Variants in FBXL4 observed in about 807,000 individuals in gnomAD.
FBXL4 encodes the protein F-box/LRR-repeat protein 4.
FBXL4 carries 40 observed loss-of-function variants against 58.9 expected under a neutral mutation model. The ratio of observed to expected loss-of-function variants is 0.68; its 90% CI spans 0.53 to 0.88. The LOEUF (loss-of-function observed/expected upper bound fraction) is 0.88. Among genes scored for constraint, FBXL4 ranks in the 40% least tolerant of loss-of-function variants. The probability of loss-of-function intolerance (pLI) is 0.00; values close to 1 mark genes in which losing one functional copy is unlikely to be tolerated. For missense variants in FBXL4, 676 were observed against 734.4 expected (o/e 0.92, Z 0.92); for synonymous variants, 263 against 265.5 (o/e 0.99, Z 0.09).
chr6:98,938,970 C>A lies in FBXL4; in HGVS notation c.-308-4091G>T, dbSNP rs955911222. ...AAGTGTGGTGGTGTGCACCTGTAATCCTAGCTATTTGGGAGGACTGTTTCC... is the reference window on the plus strand; with the variant it reads ...AAGTGTGGTGGTGTGCACCTGTAATACTAGCTATTTGGGAGGACTGTTTCC... On this transcript the variant is annotated intron_variant, in intron 1 of 9. Coordinates refer to ENST00000369244, the MANE Select transcript of FBXL4 (RefSeq NM_001278716.2). Among the ~76,000 whole-genome samples, 5 of 150,038 alleles carry A rather than the reference C, an allele frequency of 3.3e-5. No homozygotes were observed. The East Asian group carries it at 6.0e-4, about 18-fold the overall frequency.
At chr6:98,908,774 T>G in intron 5 of FBXL4, among the ~76,000 whole-genome samples, 1 of 152,182 alleles carries the variant, frequency 6.6e-6, no homozygotes, top group Non-Finnish European at 1.5e-5. Context: ...AGGGGAGTTG[T>G]CGATACATTT....
At chr6:98,942,550 TCTGCTC>T (rs1773472040) in intron 1 of FBXL4, among the ~76,000 whole-genome samples, 1 of 152,112 alleles carries the variant, frequency 6.6e-6, no homozygotes, top group Non-Finnish European at 1.5e-5. Context: ...CTCTCTTCCT[TCTGCTC>T]CTGCCATGTA....
chr6:98,883,163 A>T (rs947289826), intron 7 of FBXL4, among the ~76,000 whole-genome samples: 9 of 152,036 alleles, frequency 5.9e-5, no homozygotes, highest in Non-Finnish European at 1.3e-4. Flanking sequence ...AATTTGCATT[A>T]GTATGATTAC....
Position 98,911,440 on chromosome 6 carries a change from C to G in FBXL4, c.859-5770G>C, listed in dbSNP as rs547237361. Among the ~76,000 whole-genome samples the G allele has an allele frequency of 1.6e-4, 25 of 152,298 alleles. 2 individuals are homozygous for G. The South Asian group carries it at 4.6e-3, about 28-fold the overall frequency. ...ACTGGGAGGCACCCTCCAGTAGGGG[C>G]AGACTGACACCTCACACGGCCGGGT... On this transcript the variant is annotated intron_variant, in intron 5 of 9. Transcript: ENST00000369244.
chr6:98,911,102 G>T (rs924718491), intron 5 of FBXL4, among the ~76,000 whole-genome samples: 5 of 152,318 alleles, frequency 3.3e-5, no homozygotes, highest in South Asian at 4.1e-4. Flanking sequence ...AGATCAAACT[G>T]CAAGGTGGCA....
At chr6:98,914,709 A>T (rs2128399362) in intron 5 of FBXL4, among the ~76,000 whole-genome samples, 1 of 152,350 alleles carries the variant, frequency 6.6e-6, no homozygotes, top group African/African-American at 2.4e-5. Flanking sequence ...CACAGCCTAT[A>T]TCATACTGAA....
intron 5 of FBXL4, among the ~76,000 whole-genome samples, chr6:98,906,338 C>G (rs1043155055): frequency 1.3e-5 from 2 of 151,870 alleles, no homozygotes; most frequent in Admixed American, 1.3e-4. Flanking sequence ...CCCACCACCC[C>G]CCAACAGGCC....
intron 6 of FBXL4, among the ~76,000 whole-genome samples, chr6:98,901,382 G>C (rs1562228208): frequency 6.6e-6 from 1 of 152,080 alleles, no homozygotes; most frequent in Non-Finnish European, 1.5e-5. Flanking sequence ...GGCGCAAAAT[G>C]ATGGCGAGAT....
chr6:98,880,666 A>G, intron 7 of FBXL4, 42 bp from the exon 8 acceptor site: 1 of 1,532,726 alleles, frequency 6.5e-7, no homozygotes, highest in South Asian at 1.1e-5. Flanking sequence ...TGGAAAGTGA[A>G]TGAAAGTGAA....
intron 1 of FBXL4, among the ~76,000 whole-genome samples, chr6:98,936,209 T>C (rs1773212012): frequency 6.6e-6 from 1 of 152,184 alleles, no homozygotes; most frequent in Non-Finnish European, 1.5e-5. Flanking sequence ...TTTAAGCATA[T>C]AATTTGATGA....
At position 98,870,620 on chromosome 6, in the gene FBXL4, A is replaced by G. The variant is rs1280973445; in HGVS notation, c.*3658T>C. 1 of 152,192 alleles carries G rather than the reference A, an allele frequency of 6.6e-6. No homozygotes were observed. Among genetic ancestry groups the G allele is most frequent in the African/African-American group, 2.4e-5 (1 of 41,450 alleles). 9.4% of individuals were successfully genotyped at this position (152,192 alleles called of 1,614,324 possible). The stretch of plus-strand genomic sequence containing the variant: ...ATGTTGTCATACCACAATATTTTTA[A>G]ATTTTTTATTACTAGTGCTTACCCA... On this transcript the variant is annotated 3_prime_UTR_variant, in exon 10 of 10. Transcript: ENST00000369244.
chr6:98,943,478 C>G (rs1773506903), intron 1 of FBXL4, among the ~76,000 whole-genome samples: 1 of 144,694 alleles, frequency 6.9e-6, no homozygotes, highest in Non-Finnish European at 1.5e-5. Flanking sequence ...GAGGCTGAGG[C>G]AGGAGGATCA....
At chr6:98,937,175 T>A (rs1773252091) in intron 1 of FBXL4, among the ~76,000 whole-genome samples, 1 of 152,038 alleles carries the variant, frequency 6.6e-6, no homozygotes, top group South Asian at 2.1e-4. Context: ...ACAGTTGTGG[T>A]GGCACACACC....
intron 5 of FBXL4, among the ~76,000 whole-genome samples, chr6:98,913,914 C>T (rs571533534): frequency 2.3e-3 from 338 of 150,200 alleles, no homozygotes; most frequent in South Asian, 9.6e-3. Context: ...ATTGATAAAC[C>T]GCTACAAGAC....
At chr6:98,901,866 G>C (rs1476370961) in intron 6 of FBXL4, among the ~76,000 whole-genome samples, 1 of 152,080 alleles carries the variant, frequency 6.6e-6, no homozygotes, top group East Asian at 1.9e-4. Context: ...ACTTCCTGCA[G>C]TCAATTCATT....
At position 98,926,985 on chromosome 6, in the gene FBXL4, A is replaced by G. The variant is rs952592421; in HGVS notation, c.4T>C (p.Ser2Pro). 27 of 1,613,428 alleles carry G rather than the reference A, an allele frequency of 1.7e-5. No homozygotes were observed. Among genetic ancestry groups the G allele is most frequent in the Non-Finnish European group, 2.2e-5 (26 of 1,179,620 alleles). ...ACTGTTAACATGGGAAAGACCGGTG[A>G]CATCTAGATGTGAATTATGAAGCTT... MSPVFPMLTVLT... is the reference protein window; with the variant it reads MPPVFPMLTVLT... Residue 2 changes from serine (S) to proline (P), a missense_variant, in exon 4 of 10, where the codon TCA becomes CCA. By Grantham distance (74) the Ser-to-Pro change is moderately conservative. Coordinates refer to ENST00000369244, the MANE Select transcript of FBXL4 (RefSeq NM_001278716.2).
chr6:98,884,597 A>G (rs1770968590), intron 7 of FBXL4, among the ~76,000 whole-genome samples: 1 of 152,228 alleles, frequency 6.6e-6, no homozygotes, highest in Non-Finnish European at 1.5e-5. Context: ...TGCAGGTAAT[A>G]TATCTTTTGT....
Position 98,926,980 on chromosome 6 carries a change from C to T in FBXL4, c.9G>A (p.Pro3=), listed in dbSNP as rs773041308. The change falls in exon 4 of 10, where the codon CCG becomes CCA. Residue 3 remains proline (P), a synonymous_variant. Coordinates refer to ENST00000369244, the MANE Select transcript of FBXL4 (RefSeq NM_001278716.2). MS[P]VFPMLTVLTM... ...TCAGAACTGTTAACATGGGAAAGAC[C>T]GGTGACATCTAGATGTGAATTATGA... 7.4e-6 allele frequency: 12 copies of T among 1,613,212 alleles called. No homozygotes were observed. The highest frequency in any genetic ancestry group is 3.3e-5 in the Admixed American group (2 of 59,930).
At chr6:98,918,740 C>T (rs1772468295) in intron 4 of FBXL4, among the ~76,000 whole-genome samples, 1 of 151,960 alleles carries the variant, frequency 6.6e-6, no homozygotes, top group Non-Finnish European at 1.5e-5. Flanking sequence ...AAAGATTTTA[C>T]ATCAAAGAAT....
Sources: gnomAD v4.1 joint callset for allele counts (sites outside exome capture counted in the v4.1 genomes callset) on GRCh38, gnomAD v4.1.1 for gene constraint, MANE v1.5 for transcripts, NCBI Gene and HGNC (gene_info 2026-07-23, HGNC 2026-07-21) for gene names.